SH3RF3: variants seen among roughly 807,000 people sequenced by gnomAD.
SH3RF3 encodes the protein SH3 domain containing ring finger 3.
In SH3RF3, 29 loss-of-function variants were observed where a neutral mutation model predicts 66.3. The observed-to-expected ratio is 0.44, with a 90% CI of 0.33 to 0.60. The LOEUF is 0.60. SH3RF3 is among the 20% of genes least tolerant of loss of function. The pLI is 0.04. For missense variants in SH3RF3, 1,194 were observed against 1,190.9 expected (o/e 1.00, Z -0.04); for synonymous variants, 583 against 532.0 (o/e 1.10, Z -1.32).
chr2:109,287,735 C>A (rs930688034), intron 1 of SH3RF3, among the ~76,000 whole-genome samples: 1 of 152,224 alleles, frequency 6.6e-6, no homozygotes, highest in African/African-American at 2.4e-5. Context: ...CAGAGCTCTT[C>A]TCTGTGGCCT....
chr2:109,236,861 G>A (rs567732013), intron 1 of SH3RF3, among the ~76,000 whole-genome samples: 11 of 152,318 alleles, frequency 7.2e-5, no homozygotes, highest in Admixed American at 4.6e-4. Flanking sequence ...CTCCGGCTGT[G>A]AAACGCTGCA....
chr2:109,432,683 G>A lies in SH3RF3; in HGVS notation c.1574+12G>A, dbSNP rs1322483181. 3.7e-6 allele frequency: 6 copies of A among 1,606,970 alleles called. 1 individual carries two copies. In the South Asian group the frequency reaches 6.7e-5, roughly 18 times the overall value. ...ACACCCGTTTCCAGGTGAGGGCATG[G>A]TGGTGGCAGCCTGGGCAAGGAGAGG... is the stretch of plus-strand genomic sequence containing the variant. On this transcript the variant is annotated intron_variant, in intron 6 of 9. Coordinates refer to ENST00000309415, the MANE Select transcript of SH3RF3 (RefSeq NM_001099289.3).
chr2:109,318,920 A>G (rs1171463854), intron 1 of SH3RF3, among the ~76,000 whole-genome samples: 2 of 152,250 alleles, frequency 1.3e-5, no homozygotes. Context: ...AGTGAATTCA[A>G]TATGTAATGA....
At chr2:109,239,313 G>T (rs1474357989) in intron 1 of SH3RF3, among the ~76,000 whole-genome samples, 1 of 152,114 alleles carries the variant, frequency 6.6e-6, no homozygotes, top group Non-Finnish European at 1.5e-5. Context: ...TCCCTTCCTA[G>T]GGGGCTATAG....
chr2:109,146,881 T>TCC (rs1325774239), intron 1 of SH3RF3, among the ~76,000 whole-genome samples: 5 of 7,800 alleles, frequency 6.4e-4, no homozygotes, highest in African/African-American at 1.3e-3. Flanking sequence ...TCTTCTTTTT[T>TCC]CCCTCCCCCC....
chr2:109,152,641 G>A (rs1323841979), intron 1 of SH3RF3, among the ~76,000 whole-genome samples: 1 of 152,086 alleles, frequency 6.6e-6, no homozygotes, highest in Non-Finnish European at 1.5e-5. Flanking sequence ...TCTTTAAACG[G>A]CATTATTTAA....
At chr2:109,141,921 G>A (rs1676959990) in intron 1 of SH3RF3, among the ~76,000 whole-genome samples, 1 of 152,090 alleles carries the variant, frequency 6.6e-6, no homozygotes, top group Non-Finnish European at 1.5e-5. Flanking sequence ...AAGCTCTGCA[G>A]GTGGCAGGGC....
intron 4 of SH3RF3, among the ~76,000 whole-genome samples, chr2:109,402,497 G>A (rs59333879): frequency 0.11 from 16,846 of 152,258 alleles, 1,082 homozygotes; most frequent in East Asian, 0.24. Flanking sequence ...CGTGGGAAAC[G>A]TGGAGTGGAC....
At chr2:109,133,741 T>G (rs1335689603) in intron 1 of SH3RF3, among the ~76,000 whole-genome samples, 1 of 120,632 alleles carries the variant, frequency 8.3e-6, no homozygotes, top group Non-Finnish European at 1.8e-5. Flanking sequence ...TTTTTTTTTT[T>G]GCACTCAAAC....
chr2:109,184,074 C>T (rs1678130187), intron 1 of SH3RF3, among the ~76,000 whole-genome samples: 2 of 152,212 alleles, frequency 1.3e-5, no homozygotes, highest in African/African-American at 2.4e-5. Flanking sequence ...TCTCTGTGAA[C>T]GTGGGGTGTT....
Position 109,130,194 on chromosome 2 carries a change from G to A in SH3RF3, c.573+81G>A, listed in dbSNP as rs573141770. ...GCTTGGGCGTGGGGGGCAGTGATGA[G>A]GTGCGGAGGAGACCACGGGTGGTCC... On this transcript the variant is annotated intron_variant, in intron 1 of 9. Coordinates refer to ENST00000309415, the MANE Select transcript of SH3RF3 (RefSeq NM_001099289.3). The A allele has an allele frequency of 3.9e-4, 474 of 1,207,416 alleles. 1 individual carries two copies. Among genetic ancestry groups the A allele is most frequent in the Middle Eastern group, 3.5e-3 (11 of 3,148 alleles). 74.8% of individuals were successfully genotyped at this position (1,207,416 alleles called of 1,614,324 possible).
At chr2:109,161,533 C>T (rs1230522348) in intron 1 of SH3RF3, among the ~76,000 whole-genome samples, 3 of 151,388 alleles carry the variant, frequency 2.0e-5, no homozygotes, top group Non-Finnish European at 4.4e-5. Context: ...GGGAACATGT[C>T]TTAGTCTAGC....
intron 1 of SH3RF3, among the ~76,000 whole-genome samples, chr2:109,175,428 G>C (rs1677895208): frequency 6.6e-6 from 1 of 152,214 alleles, no homozygotes; most frequent in African/African-American, 2.4e-5. Flanking sequence ...CTTTTTGGCA[G>C]TCGTCTGTGT....
In SH3RF3 at chr2:109,166,459, G is replaced by GGAAA. The variant is rs575283304; in HGVS notation, c.573+36346_573+36347insGAAA. Among the ~76,000 whole-genome samples the GGAAA allele has an allele frequency of 2.1e-4, 28 of 134,302 alleles. 1 individual carries two copies. The highest frequency in any genetic ancestry group is 6.8e-4 in the Admixed American group (9 of 13,166). The allele number at this position is 134,302 out of a possible 152,430, so 88.1% of individuals were successfully genotyped here. A position where few individuals can be genotyped will look rare whatever the true frequency, so the allele number is the denominator to read the frequency against. On this transcript the variant is annotated intron_variant, in intron 1 of 9. Coordinates refer to ENST00000309415, the MANE Select transcript of SH3RF3 (RefSeq NM_001099289.3). ...GCCACTGTACTCCAGCCTGGTGACA[G>GGAAA]AAAAAAAAAAAAAAAGAAAGAAAGA...
intron 7 of SH3RF3, among the ~76,000 whole-genome samples, chr2:109,447,427 A>G (rs1172571012): frequency 6.6e-6 from 1 of 152,154 alleles, no homozygotes; most frequent in Non-Finnish European, 1.5e-5. Context: ...GGGGGCTGAG[A>G]AGATTGTTTT....
rs1414996466 is a variant in SH3RF3 at position 109,504,493 on chromosome 2, T to TCA, written c.*2831_*2832dup. ...GGAGATCCTTTGTACTTTGCACAGTTCACACACACAAACACACACACCCTA... is the reference window on the plus strand; with the variant it reads ...GGAGATCCTTTGTACTTTGCACAGTTCACACACACACAAACACACACACCCTA... On this transcript the variant is annotated 3_prime_UTR_variant, in exon 10 of 10. Coordinates refer to ENST00000309415, the MANE Select transcript of SH3RF3 (RefSeq NM_001099289.3). 1 of 144,534 alleles carries TCA rather than the reference T, an allele frequency of 6.9e-6. No homozygotes were observed. Among genetic ancestry groups the TCA allele is most frequent in the East Asian group, 1.9e-4 (1 of 5,142 alleles). The allele number at this position is 144,534 out of a possible 1,614,324, so 9.0% of individuals were successfully genotyped here.
At chr2:109,493,149 CA>C (rs1425468948) in intron 9 of SH3RF3, among the ~76,000 whole-genome samples, 37,953 of 150,906 alleles carry the variant, frequency 0.25, 5,086 homozygotes, top group East Asian at 0.5. Context: ...ATACATCATA[CA>C]AAACACATAC....
At chr2:109,243,148 CT>C (rs1443776759) in intron 1 of SH3RF3, among the ~76,000 whole-genome samples, 1 of 152,220 alleles carries the variant, frequency 6.6e-6, no homozygotes. Flanking sequence ...AGGCTATTGC[CT>C]TGTGCAGGTG....
intron 7 of SH3RF3, among the ~76,000 whole-genome samples, chr2:109,437,538 A>G (rs1446368552): frequency 1.3e-5 from 2 of 152,096 alleles, no homozygotes; most frequent in Non-Finnish European, 2.9e-5. Context: ...TCCCCCATGA[A>G]TGATTGTGGG....
Sources: gnomAD v4.1 joint callset for allele counts (sites outside exome capture counted in the v4.1 genomes callset) on GRCh38, gnomAD v4.1.1 for gene constraint, MANE v1.5 for transcripts, NCBI Gene and HGNC (gene_info 2026-07-23, HGNC 2026-07-21) for gene names.